Variants in GNA14 observed in about 807,000 individuals in gnomAD.
GNA14 encodes the protein G protein subunit alpha 14.
Under a neutral mutation model 42.0 loss-of-function variants are expected in GNA14, and 50 were observed. The observed-to-expected ratio is 1.19, with a 90% CI of 0.95 to 1.51. The LOEUF is 1.51. Ranked by LOEUF, GNA14 falls within the 40% of genes most tolerant of loss-of-function variation. The pLI is 0.00. For synonymous variants in GNA14, 173 were observed against 163.1 expected, an observed-to-expected ratio of 1.06 and a Z score of -0.46; for missense variants, 473 against 446.2, an observed-to-expected ratio of 1.06 and a Z score of -0.54.
chr9:77,632,110 T>C (rs1376815136), intron 1 of GNA14, among the ~76,000 whole-genome samples: 3 of 151,716 alleles, frequency 2.0e-5, no homozygotes, highest in African/African-American at 7.3e-5. Context: ...AGGCCCCCAC[T>C]GCCCTTGCAG....
At chr9:77,552,386 G>C (rs1275965031) in intron 1 of GNA14, among the ~76,000 whole-genome samples, 4 of 152,010 alleles carry the variant, frequency 2.6e-5, no homozygotes, top group African/African-American at 9.7e-5. Context: ...GCATTTCTTG[G>C]GTTTTTATAG....
At chr9:77,502,275 ACTGG>A (rs750200637) in intron 2 of GNA14, among the ~76,000 whole-genome samples, 3 of 152,134 alleles carry the variant, frequency 2.0e-5, no homozygotes, top group Non-Finnish European at 4.4e-5. Flanking sequence ...CCACCTTGTG[ACTGG>A]CATATCTCGA....
chr9:77,473,871 C>T lies in GNA14; in HGVS notation c.310-39349G>A, dbSNP rs544328810. ...AATAAGCCCTCAAATTTATAGTCAA[C>T]TGATTTTATTACAAAGGTGCCAAGC... is the stretch of plus-strand genomic sequence containing the variant. On this transcript the variant is annotated intron_variant, in intron 2 of 6. Transcript: ENST00000341700. Among the ~76,000 whole-genome samples the T allele has an allele frequency of 2.0e-5, 3 of 152,160 alleles. No individual in the cohort carries two copies. The South Asian group carries it at 6.2e-4, about 32-fold the overall frequency.
At chr9:77,627,323 A>T (rs1299345306) in intron 1 of GNA14, among the ~76,000 whole-genome samples, 1 of 152,200 alleles carries the variant, frequency 6.6e-6, no homozygotes, top group African/African-American at 2.4e-5. Flanking sequence ...AGCTGGTACC[A>T]TTCCTTCTGA....
At chr9:77,477,194 T>C (rs929262726) in intron 2 of GNA14, among the ~76,000 whole-genome samples, 81 of 152,042 alleles carry the variant, frequency 5.3e-4, no homozygotes, top group Non-Finnish European at 5.6e-4. Flanking sequence ...CTGTCTCTAC[T>C]AAAAATACAA....
intron 1 of GNA14, among the ~76,000 whole-genome samples, chr9:77,565,888 G>GA (rs1186617556): frequency 6.6e-6 from 1 of 152,084 alleles, no homozygotes; most frequent in African/African-American, 2.4e-5. Context: ...GAAATCAGAA[G>GA]AAAAAAAGTG....
intron 2 of GNA14, among the ~76,000 whole-genome samples, chr9:77,491,811 A>C (rs559122171): frequency 1.7e-3 from 266 of 152,336 alleles, no homozygotes; most frequent in African/African-American, 6.1e-3. Context: ...TAGACCAAAT[A>C]GGCCTAACTG....
intron 1 of GNA14, among the ~76,000 whole-genome samples, chr9:77,555,716 C>T (rs775940451): frequency 3.3e-5 from 5 of 152,124 alleles, no homozygotes; most frequent in South Asian, 2.1e-4. Flanking sequence ...GTAACATGCA[C>T]GACGATGTCC....
At chr9:77,582,061 T>C (rs575767898) in intron 1 of GNA14, among the ~76,000 whole-genome samples, 1 of 152,262 alleles carries the variant, frequency 6.6e-6, no homozygotes, top group Non-Finnish European at 1.5e-5. Flanking sequence ...TTTCACAAAT[T>C]ATTTTTTCTC....
intron 2 of GNA14, among the ~76,000 whole-genome samples, chr9:77,510,338 CTTTAT>C (rs757740487): frequency 1.2e-4 from 18 of 152,052 alleles, no homozygotes; most frequent in African/African-American, 1.9e-4. Context: ...ACGTTGCACA[CTTTAT>C]TTTATTATTT....
intron 2 of GNA14, among the ~76,000 whole-genome samples, chr9:77,480,284 C>T (rs536169614): frequency 3.3e-5 from 5 of 152,102 alleles, no homozygotes; most frequent in African/African-American, 1.2e-4. Flanking sequence ...TTGTCTAAGG[C>T]CTTTTCTGCA....
At chr9:77,606,621 T>C (rs571545733) in intron 1 of GNA14, among the ~76,000 whole-genome samples, 150 of 152,328 alleles carry the variant, frequency 9.8e-4, no homozygotes, top group Middle Eastern at 3.4e-3. Flanking sequence ...AGGGAATTCT[T>C]TCAGAATGCT....
At chr9:77,622,497 G>C (rs1823942446) in intron 1 of GNA14, among the ~76,000 whole-genome samples, 1 of 152,014 alleles carries the variant, frequency 6.6e-6, no homozygotes, top group Non-Finnish European at 1.5e-5. Context: ...GGCCAGGCAG[G>C]GTGGCTCATG....
At chr9:77,625,127 G>A (rs181266756) in intron 1 of GNA14, among the ~76,000 whole-genome samples, 2,683 of 151,640 alleles carry the variant, frequency 0.018, 89 homozygotes, top group African/African-American at 0.059. Flanking sequence ...TATCAATAGC[G>A]GAATCGATCA....
intron 2 of GNA14, chr9:77,517,585 CTTTTCTTT>C (rs1837277709): frequency 1.2e-4 from 6 of 48,842 alleles, no homozygotes; most frequent in African/African-American, 3.2e-4. Flanking sequence ...TATCCTGGTA[CTTTTCTTT>C]TTTTTTTTTT....
intron 1 of GNA14, among the ~76,000 whole-genome samples, chr9:77,636,795 C>T (rs969000493): frequency 6.6e-6 from 1 of 152,178 alleles, no homozygotes; most frequent in African/African-American, 2.4e-5. Flanking sequence ...GGTCCCACCT[C>T]CAACACTGGG....
intron 1 of GNA14, chr9:77,635,299 G>A (rs930948505): frequency 3.3e-5 from 5 of 152,190 alleles, no homozygotes; most frequent in Non-Finnish European, 5.9e-5. Flanking sequence ...ATGTGCTGCT[G>A]AAGTGAGTGC....
intron 1 of GNA14, chr9:77,580,204 C>G (rs1234333627): frequency 3.9e-6 from 1 of 253,286 alleles, no homozygotes; most frequent in Admixed American, 4.8e-5. Context: ...CGCCATAGTG[C>G]CAGCCCCTTG....
At chr9:77,439,506 T>C (rs1369565420) in intron 2 of GNA14, among the ~76,000 whole-genome samples, 3 of 152,172 alleles carry the variant, frequency 2.0e-5, no homozygotes, top group Admixed American at 2.0e-4. Flanking sequence ...GGCATGGTAG[T>C]TGTGCCTGTA....
Sources: allele counts gnomAD v4.1 joint callset (sites outside exome capture counted in the v4.1 genomes callset), GRCh38; gene constraint gnomAD v4.1.1; transcripts MANE v1.5; gene names NCBI Gene and HGNC (gene_info 2026-07-23, HGNC 2026-07-21).